Variants in ZNF366 observed in about 807,000 individuals in gnomAD.
ZNF366 encodes dendritic cell-specific transcript protein.
A neutral mutation model predicts 47.2 loss-of-function variants in ZNF366; 20 were observed. That is an observed-to-expected ratio of 0.42 (90% CI 0.30 to 0.62). The LOEUF (loss-of-function observed/expected upper bound fraction) is 0.62. Among genes scored for constraint, ZNF366 ranks in the 20% least tolerant of loss-of-function variants. The pLI is 0.16. For synonymous variants in ZNF366, 421 were observed against 395.1 expected (o/e 1.07, Z -0.78); for missense variants, 987 against 976.3 (o/e 1.01, Z -0.15).
intron 1 of ZNF366, among the ~76,000 whole-genome samples, chr5:72,497,173 T>C (rs62360611): frequency 0.22 from 34,015 of 152,114 alleles, 4,305 homozygotes; most frequent in South Asian, 0.31. Flanking sequence ...AATGTTTTCA[T>C]GTATTTCATG....
chr5:72,505,194 C>A (rs535314686), intron 1 of ZNF366, among the ~76,000 whole-genome samples: 2 of 152,282 alleles, frequency 1.3e-5, no homozygotes, highest in South Asian at 4.2e-4. Flanking sequence ...CCTCTGATGA[C>A]CCCCAAATAA....
At chr5:72,496,336 T>G (rs941843545) in intron 1 of ZNF366, among the ~76,000 whole-genome samples, 2 of 152,206 alleles carry the variant, frequency 1.3e-5, no homozygotes, top group African/African-American at 4.8e-5. Context: ...TATCGTTTTG[T>G]GCTTTTAGAA....
Position 72,460,924 on chromosome 5 carries a change from G to A in ZNF366, c.573C>T (p.Pro191=), listed in dbSNP as rs1020380884. 6 of 1,611,834 alleles carry A rather than the reference G, an allele frequency of 3.7e-6. No homozygotes were observed. The African/African-American group carries it at 6.7e-5, about 18-fold the overall frequency. The change falls in exon 2 of 5, where the codon CCC becomes CCT. Residue 191 remains proline (P), a synonymous_variant. Coordinates refer to ENST00000318442, the MANE Select transcript of ZNF366 (RefSeq NM_152625.3). ...GGCTGAAGGGGAAGGGCGAGGACGA[G>A]GGCACGAAGAAGGGGAACATGAGGC... The part of the protein sequence containing the change: ...HPGLMFPFFV[P]SSSPFPFSRH...
rs569900355 is a variant in ZNF366 at position 72,442,651 on chromosome 5, CTTT to C, written c.*1102_*1104del. ...GGTGACAAGTCTTCCTGCATCTGTC[CTTT>C]TTTTTTTTTTTTTTTTTTTGAGGCA... On this transcript the variant is annotated 3_prime_UTR_variant, in exon 5 of 5. Transcript: ENST00000318442. 0.031 allele frequency: 2,862 copies of C among 91,658 alleles called. 108 individuals are homozygous for C. The highest frequency in any genetic ancestry group is 0.1 in the African/African-American group (2,526 of 25,118). The allele number at this position is 91,658 out of a possible 1,614,324, so 5.7% of individuals were successfully genotyped here.
chr5:72,456,316 G>A lies in ZNF366; in HGVS notation c.1524+88C>T, dbSNP rs1743184709. 4 of 1,446,954 alleles carry A rather than the reference G, an allele frequency of 2.8e-6. No individual in the cohort carries two copies. The South Asian group carries it at 5.6e-5, about 20-fold the overall frequency. The allele number at this position is 1,446,954 out of a possible 1,614,324, so 89.6% of individuals were successfully genotyped here. The stretch of plus-strand genomic sequence containing the variant: ...TACTCTGAGCCCCCGTAGCCCCACT[G>A]ATGAAACAGAGTAGAAGGCTCCCTG... On this transcript the variant is annotated intron_variant, in intron 3 of 4. Transcript: ENST00000318442.
intron 1 of ZNF366, among the ~76,000 whole-genome samples, chr5:72,471,657 T>C (rs1240394659): frequency 1.3e-5 from 2 of 152,208 alleles, no homozygotes; most frequent in Admixed American, 1.3e-4. Flanking sequence ...GGTATACTTT[T>C]GCAACTTATA....
At chr5:72,491,450 T>C (rs1314894304) in intron 1 of ZNF366, among the ~76,000 whole-genome samples, 2 of 152,202 alleles carry the variant, frequency 1.3e-5, no homozygotes, top group African/African-American at 4.8e-5. Flanking sequence ...ATATCACAGA[T>C]ACACTGAGTG....
At chr5:72,458,012 C>CTTTTTTTTT (rs1228705988) in intron 2 of ZNF366, among the ~76,000 whole-genome samples, 9 of 97,058 alleles carry the variant, frequency 9.3e-5, no homozygotes, top group African/African-American at 2.8e-4. Flanking sequence ...TAGCATCTTT[C>CTTTTTTTTT]TTTTTTTTTT....
rs994105664 is a variant in ZNF366, at chr5:72,472,692, G to A, written c.-14-11182C>T. 5.2e-6 allele frequency: 3 copies of A among 573,636 alleles called. No individual in the cohort carries two copies. The East Asian group carries it at 4.3e-4, about 83-fold the overall frequency. 35.5% of individuals were successfully genotyped at this position (573,636 alleles called of 1,614,324 possible). A position where few individuals can be genotyped will look rare whatever the true frequency, so the allele number is the denominator to read the frequency against. ...TGATTAATCCAGTTTCTCCATTCCA[G>A]CCCTCCGAGTTTCTCCCTGGCTTCT... On this transcript the variant is annotated intron_variant, in intron 1 of 4. Transcript: ENST00000318442.
intron 1 of ZNF366, among the ~76,000 whole-genome samples, chr5:72,463,497 C>G (rs1743372869): frequency 6.6e-6 from 1 of 152,172 alleles, no homozygotes; most frequent in Non-Finnish European, 1.5e-5. Flanking sequence ...TGAGCAAGCT[C>G]TTGTATGTCC....
At chr5:72,451,476 A>G (rs1743069735) in intron 3 of ZNF366, among the ~76,000 whole-genome samples, 1 of 152,242 alleles carries the variant, frequency 6.6e-6, no homozygotes. Flanking sequence ...CTTCTGTATA[A>G]TGTTGATAAT....
intron 3 of ZNF366, among the ~76,000 whole-genome samples, chr5:72,455,063 A>G (rs1377844743): frequency 6.6e-6 from 1 of 152,204 alleles, no homozygotes; most frequent in South Asian, 2.1e-4. Context: ...CCTGTGCTGC[A>G]TGAAGCTGAT....
intron 1 of ZNF366, among the ~76,000 whole-genome samples, chr5:72,496,329 C>T (rs1319518328): frequency 2.6e-5 from 4 of 152,022 alleles, no homozygotes; most frequent in Admixed American, 6.6e-5. Flanking sequence ...CTGTCTCTAT[C>T]GTTTTGTGCT....
At chr5:72,482,548 TG>T (rs1364889303) in intron 1 of ZNF366, among the ~76,000 whole-genome samples, 2 of 152,266 alleles carry the variant, frequency 1.3e-5, no homozygotes, top group East Asian at 3.9e-4. Context: ...CCCTAAAGAT[TG>T]AATATTCTAT....
At chr5:72,475,178 A>G (rs1743648417) in intron 1 of ZNF366, among the ~76,000 whole-genome samples, 1 of 152,212 alleles carries the variant, frequency 6.6e-6, no homozygotes, top group Non-Finnish European at 1.5e-5. Context: ...TATGAGCAGC[A>G]ATCCTGAAGC....
chr5:72,491,317 T>G (rs1430037520), intron 1 of ZNF366, among the ~76,000 whole-genome samples: 2 of 152,160 alleles, frequency 1.3e-5, no homozygotes, highest in Non-Finnish European at 2.9e-5. Context: ...TCTTCCTCAT[T>G]TTTAGGTTGC....
intron 2 of ZNF366, among the ~76,000 whole-genome samples, chr5:72,458,686 A>C (rs1002243036): frequency 2.0e-5 from 3 of 152,236 alleles, no homozygotes; most frequent in African/African-American, 7.2e-5. Flanking sequence ...AGTGTCTTCA[A>C]CTGCAGATCG....
chr5:72,476,894 T>C (rs1451315588), intron 1 of ZNF366, among the ~76,000 whole-genome samples: 1 of 151,934 alleles, frequency 6.6e-6, no homozygotes, highest in East Asian at 1.9e-4. Flanking sequence ...ATGCTTTCTC[T>C]CTGCATGACT....
rs774588209 is a variant in ZNF366 at position 72,444,251 on chromosome 5, A to C, written c.1740T>G (p.Gly580=). The C allele has an allele frequency of 6.2e-7, 1 of 1,613,302 alleles. No individual in the cohort carries two copies. The highest frequency in any genetic ancestry group is 2.2e-5 in the East Asian group (1 of 44,888). ...CCTCCTGCTCCAGACTCCTCAGGACACCGGCTGTCTGTGCCAGGGCGATTC... is the reference window on the plus strand; with the variant it reads ...CCTCCTGCTCCAGACTCCTCAGGACCCCGGCTGTCTGTGCCAGGGCGATTC... The part of the protein sequence containing the change: ...RGRIALAQTA[G]VLRSLEQEEP... Residue 580 remains glycine, a synonymous_variant, in exon 5 of 5, where the codon GGT becomes GGG. Coordinates refer to ENST00000318442, the MANE Select transcript of ZNF366 (RefSeq NM_152625.3).
Sources: gnomAD v4.1 joint callset for allele counts (sites outside exome capture counted in the v4.1 genomes callset) on GRCh38, gnomAD v4.1.1 for gene constraint, MANE v1.5 for transcripts, NCBI Gene and HGNC (gene_info 2026-07-23, HGNC 2026-07-21) for gene names.